The following DPP6 variants were observed in gnomAD, a reference collection of about 807,000 sequenced individuals.
DPP6 encodes the protein A-type potassium channel modulatory protein DPP6.
In DPP6, 69 loss-of-function variants were observed where a neutral mutation model predicts 122.6. That is an observed-to-expected ratio of 0.56 (90% CI 0.46 to 0.69). DPP6 has a LOEUF of 0.69. Ranked by LOEUF, DPP6 falls within the 30% of genes least tolerant of loss-of-function variation. The pLI is 0.00. For synonymous variants in DPP6, 418 were observed against 433.1 expected, an observed-to-expected ratio of 0.97 and a Z score of 0.43; for missense variants, 928 against 1,116.9, an observed-to-expected ratio of 0.83 and a Z score of 2.41.
At chr7:154,677,929 TTCTG>T (rs937000961) in intron 7 of DPP6, among the ~76,000 whole-genome samples, 12 of 152,298 alleles carry the variant, frequency 7.9e-5, no homozygotes, top group African/African-American at 2.9e-4. Context: ...TGGAGAACTT[TTCTG>T]TCTAGCTAAA....
At chr7:153,933,818 T>C (rs1801296485) in intron 1 of DPP6, among the ~76,000 whole-genome samples, 1 of 152,152 alleles carries the variant, frequency 6.6e-6, no homozygotes, top group South Asian at 2.1e-4. Context: ...CAGCCTACAC[T>C]GTGCCGCATC....
At chr7:153,910,230 C>CTTT (rs1308552552) in intron 1 of DPP6, among the ~76,000 whole-genome samples, 8 of 113,702 alleles carry the variant, frequency 7.0e-5, no homozygotes, top group Admixed American at 2.8e-4. Flanking sequence ...CACTTTCTTT[C>CTTT]TTTCTTTTTT....
chr7:153,923,918 C>G (rs1424538623), intron 1 of DPP6, among the ~76,000 whole-genome samples: 2 of 151,916 alleles, frequency 1.3e-5, no homozygotes, highest in African/African-American at 4.8e-5. Flanking sequence ...AAGGATAATA[C>G]TAGAAAATAA....
rs1269320011 is a variant in DPP6 at position 154,045,596 on chromosome 7, ATGCTACTTGGTGC to A, written c.51+157868_51+157880del. On this transcript the variant is annotated intron_variant, in intron 1 of 25. Transcript: ENST00000404039. ...AAGCCACTGTATGAGTAGATTAAAA[ATGCTACTTGGTGC>A]TGCTATAATAAATAAATCACAGCTT... is the stretch of plus-strand genomic sequence containing the variant. Among the ~76,000 whole-genome samples the A allele has an allele frequency of 2.0e-5, 3 of 152,356 alleles. No homozygotes were observed. In the East Asian group the frequency reaches 5.8e-4, roughly 29 times the overall value.
At chr7:154,480,427 C>T (rs2151365114) in intron 3 of DPP6, among the ~76,000 whole-genome samples, 1 of 152,330 alleles carries the variant, frequency 6.6e-6, no homozygotes, top group African/African-American at 2.4e-5. Flanking sequence ...ACAGGCATTT[C>T]TCAGACCCCA....
chr7:154,679,843 A>G (rs1034593120), intron 7 of DPP6, among the ~76,000 whole-genome samples: 1 of 152,216 alleles, frequency 6.6e-6, no homozygotes, highest in East Asian at 1.9e-4. Context: ...ACCCTCAGAT[A>G]ATGGATGGAG....
intron 1 of DPP6, among the ~76,000 whole-genome samples, chr7:154,060,427 G>T (rs1414034235): frequency 1.6e-5 from 2 of 123,442 alleles, no homozygotes; most frequent in Non-Finnish European, 3.4e-5. Flanking sequence ...GGCACCCCCC[G>T]CGAGGCGGGG....
intron 7 of DPP6, among the ~76,000 whole-genome samples, chr7:154,723,506 C>A (rs879769533): frequency 3.3e-5 from 5 of 151,186 alleles, no homozygotes; most frequent in Non-Finnish European, 7.4e-5. Context: ...ATACATCTTA[C>A]CCTTAGGCAA....
At chr7:154,084,849 G>A (rs1436641257) in intron 1 of DPP6, among the ~76,000 whole-genome samples, 2 of 151,606 alleles carry the variant, frequency 1.3e-5, no homozygotes, top group Non-Finnish European at 2.9e-5. Context: ...AATTAGCCGG[G>A]CATGGTGGTG....
chr7:154,147,493 T>C lies in DPP6; in HGVS notation c.243+94430T>C, dbSNP rs144880991. On this transcript the variant is annotated intron_variant, in intron 1 of 25. Coordinates refer to ENST00000377770, the MANE Select transcript of DPP6 (RefSeq NM_130797.4). ...TCCTTCCTTCCTTCCTTCCTTCCTT[T>C]CTTTTTCTGTCGGAGTCTTACTCTC... Among the ~76,000 whole-genome samples the C allele has an allele frequency of 7.1e-3, 1,006 of 142,538 alleles. 13 individuals are homozygous for C. Among genetic ancestry groups the C allele is most frequent in the African/African-American group, 0.026 (933 of 35,676 alleles). 93.5% of individuals were successfully genotyped at this position (142,538 alleles called of 152,430 possible).
the DPP6 span, among the ~76,000 whole-genome samples, chr7:153,829,719 C>T: frequency 3.3e-5 from 5 of 152,206 alleles, no homozygotes; most frequent in Non-Finnish European, 7.3e-5. Flanking sequence ...TTTGGGTGGA[C>T]CTCTGATGGC....
intron 10 of DPP6, among the ~76,000 whole-genome samples, chr7:154,792,611 G>C (rs566436109): frequency 5.9e-5 from 9 of 152,354 alleles, no homozygotes; most frequent in Non-Finnish European, 1.2e-4. Context: ...TGGAGAGCAG[G>C]GGGGAGGGCA....
intron 1 of DPP6, among the ~76,000 whole-genome samples, chr7:154,120,822 G>A (rs1339270864): frequency 6.6e-6 from 1 of 152,116 alleles, no homozygotes; most frequent in Non-Finnish European, 1.5e-5. Flanking sequence ...CCAATGAAAG[G>A]GTTTTCAACT....
At chr7:154,032,845 C>T (rs1317675327) in intron 1 of DPP6, among the ~76,000 whole-genome samples, 5 of 148,508 alleles carry the variant, frequency 3.4e-5, no homozygotes, top group Non-Finnish European at 5.9e-5. Flanking sequence ...CACCCCCCAC[C>T]GACCCCATCC....
chr7:154,392,154 T>G (rs907440931), intron 1 of DPP6, among the ~76,000 whole-genome samples: 1 of 152,056 alleles, frequency 6.6e-6, no homozygotes, highest in Admixed American at 6.6e-5. Flanking sequence ...ACACCTGTAA[T>G]TTCAGCTACT....
intron 1 of DPP6, among the ~76,000 whole-genome samples, chr7:154,165,073 G>A (rs1797177153): frequency 6.6e-6 from 1 of 150,668 alleles, no homozygotes; most frequent in Non-Finnish European, 1.5e-5. Flanking sequence ...AGTTACATAT[G>A]TATACATGTG....
chr7:154,052,797 C>T lies in DPP6; in HGVS notation c.-24C>T, dbSNP rs1471464184. 2.7e-6 allele frequency: 4 copies of T among 1,488,260 alleles called. No homozygotes were observed. The highest frequency in any genetic ancestry group is 3.6e-6 in the Non-Finnish European group (4 of 1,114,276). 92.2% of individuals were successfully genotyped at this position (1,488,260 alleles called of 1,614,324 possible). A position where few individuals can be genotyped will look rare whatever the true frequency, so the allele number is the denominator to read the frequency against. ...GCAAAATATTAAAAAGCCCCAAAGA[C>T]AGCCAGCAGGAGCGCGGTGCCCGAT... On this transcript the variant is annotated 5_prime_UTR_variant, in exon 1 of 26. Transcript: ENST00000377770. This position sits in a 1 kb window ranked among gnomAD's most constrained non-coding sequence, Gnocchi z 4.8.
rs541383524 is a variant in DPP6, at chr7:154,344,824, G to C, written c.244-101390G>C. On this transcript the variant is annotated intron_variant, in intron 1 of 25. Transcript: ENST00000377770. Reference sequence around the variant, plus strand: ...AATTGCTTGAACCCAGGAGGCGGAGGTTGCAGTGAGCTGAGATCATGTCAC... The same window carrying C: ...AATTGCTTGAACCCAGGAGGCGGAGCTTGCAGTGAGCTGAGATCATGTCAC... 1.1e-4 allele frequency among the ~76,000 whole-genome samples: 17 copies of C among 152,250 alleles called. No homozygotes were observed. In the South Asian group the frequency reaches 1.9e-3, roughly 17 times the overall value.
At chr7:153,852,376 G>A in the DPP6 span, among the ~76,000 whole-genome samples, 1 of 152,092 alleles carries the variant, frequency 6.6e-6, no homozygotes, top group Non-Finnish European at 1.5e-5. Flanking sequence ...TAGTCATGAT[G>A]GAAGGCAAAG....
Sources: gnomAD v4.1 joint callset for allele counts (sites outside exome capture counted in the v4.1 genomes callset) on GRCh38, gnomAD v4.1.1 for gene constraint, Gnocchi (gnomAD v3.1) non-coding constraint, MANE v1.5 for transcripts, NCBI Gene and HGNC (gene_info 2026-07-23, HGNC 2026-07-21) for gene names.